The following IFT43 variants were observed in gnomAD, a reference collection of about 807,000 sequenced individuals.
IFT43 encodes intraflagellar transport protein 43 homolog.
A neutral mutation model predicts 32.3 loss-of-function variants in IFT43; 33 were observed. The ratio of observed to expected loss-of-function variants is 1.02; its 90% CI spans 0.77 to 1.37. IFT43 has a LOEUF of 1.37. IFT43 is among the 40% of genes most tolerant of loss of function. The pLI is 0.00. For missense variants in IFT43, 274 were observed against 265.9 expected (o/e 1.03, Z -0.21); for synonymous variants, 93 against 98.2 (o/e 0.95, Z 0.31).
At chr14:76,012,751 C>T (rs1427829632) in intron 2 of IFT43, among the ~76,000 whole-genome samples, 1 of 152,058 alleles carries the variant, frequency 6.6e-6, no homozygotes, top group Non-Finnish European at 1.5e-5. Flanking sequence ...CTTGGTGTTA[C>T]ATATTTTAAG....
chr14:76,012,687 C>T (rs1412592690), intron 2 of IFT43, among the ~76,000 whole-genome samples: 1 of 152,222 alleles, frequency 6.6e-6, no homozygotes, highest in Non-Finnish European at 1.5e-5. Flanking sequence ...TAAGAGAGAA[C>T]ACAAGAGATG....
chr14:76,072,856 C>A lies in IFT43; in HGVS notation c.296-9439C>A, dbSNP rs926034684. Among the ~76,000 whole-genome samples, 7 of 152,144 alleles carry A rather than the reference C, an allele frequency of 4.6e-5. No individual in the cohort carries two copies. The East Asian group carries it at 9.6e-4, about 21-fold the overall frequency. On this transcript the variant is annotated intron_variant, in intron 5 of 8. Coordinates refer to ENST00000314067, the MANE Select transcript of IFT43 (RefSeq NM_001102564.3). ...AGGATCAGGATAGGACAAAGCCAATCCCATTTAGTTTTGTGAGACTGTCCC... is the reference window on the plus strand; with the variant it reads ...AGGATCAGGATAGGACAAAGCCAATACCATTTAGTTTTGTGAGACTGTCCC...
chr14:76,023,842 T>G (rs1263087497), intron 3 of IFT43, among the ~76,000 whole-genome samples: 1 of 152,234 alleles, frequency 6.6e-6, no homozygotes, highest in Non-Finnish European at 1.5e-5. Context: ...GCCTTAAGCA[T>G]AGGAATGTCA....
At chr14:76,022,664 A>G (rs369975243) in intron 3 of IFT43, 61 of 281,976 alleles carry the variant, frequency 2.2e-4, no homozygotes, top group African/African-American at 1.3e-3. Flanking sequence ...TGTCCCCCCA[A>G]CCTCTCTAGA....
At chr14:76,080,424 G>A (rs913786346) in intron 5 of IFT43, among the ~76,000 whole-genome samples, 1 of 152,170 alleles carries the variant, frequency 6.6e-6, no homozygotes, top group Non-Finnish European at 1.5e-5. Flanking sequence ...AGTGGACATC[G>A]GGCAGAAGTG....
At chr14:76,005,398 A>G (rs553409235) in intron 2 of IFT43, among the ~76,000 whole-genome samples, 1 of 152,328 alleles carries the variant, frequency 6.6e-6, no homozygotes, top group East Asian at 1.9e-4. Flanking sequence ...TGAAAGACCC[A>G]ATGTTTGTAC....
At chr14:75,999,255 A>AAATTCATTTTT (rs1371196849) in intron 2 of IFT43, among the ~76,000 whole-genome samples, 2 of 10,500 alleles carry the variant, frequency 1.9e-4, no homozygotes, top group Admixed American at 1.1e-3. Context: ...ATATATATAT[A>AAATTCATTTTT]TATATATATA....
chr14:75,988,773 C>A (rs1455513472), intron 1 of IFT43, 112 bp from the exon 2 acceptor site: 1 of 1,527,982 alleles, frequency 6.5e-7, no homozygotes, highest in Non-Finnish European at 9.0e-7. Context: ...CTGCCTCGTC[C>A]TCCCAAAGTG....
At chr14:76,004,027 C>T (rs1422485215) in intron 2 of IFT43, among the ~76,000 whole-genome samples, 2 of 152,154 alleles carry the variant, frequency 1.3e-5, no homozygotes, top group African/African-American at 2.4e-5. Flanking sequence ...CCACCTGCCT[C>T]GGCCTCCCAA....
At chr14:75,997,817 A>G (rs568933303) in intron 2 of IFT43, among the ~76,000 whole-genome samples, 12 of 152,334 alleles carry the variant, frequency 7.9e-5, no homozygotes, top group African/African-American at 2.9e-4. Flanking sequence ...CCTGGGCTTC[A>G]GTAGTTGCCT....
chr14:76,067,880 A>G (rs1344800556), intron 5 of IFT43, among the ~76,000 whole-genome samples: 1 of 152,226 alleles, frequency 6.6e-6, no homozygotes, highest in Non-Finnish European at 1.5e-5. Flanking sequence ...TTTAAAAATG[A>G]CAGAAATAAT....
Position 76,083,263 on chromosome 14 carries a change from C to T in IFT43, c.481C>T (p.Leu161Phe). ...EIDLKLLTKV[L>F]APEHEVREDD... ...CGACCTGAAACTCCTCACCAAAGTG[C>T]TCGCGCCGGAGCACGAAGTCCGGGA... Residue 161 changes from leucine to phenylalanine, a missense_variant, in exon 8 of 9, where the codon CTC becomes TTC. Coordinates refer to ENST00000314067, the MANE Select transcript of IFT43 (RefSeq NM_001102564.3). The T allele has an allele frequency of 6.2e-7, 1 of 1,614,078 alleles. No individual in the cohort carries two copies. The highest frequency in any genetic ancestry group is 8.5e-7 in the Non-Finnish European group (1 of 1,179,932).
chr14:76,037,280 G>C (rs1268723355), intron 3 of IFT43, among the ~76,000 whole-genome samples: 1 of 152,218 alleles, frequency 6.6e-6, no homozygotes, highest in African/African-American at 2.4e-5. Context: ...GCACAGGTAT[G>C]AGAAGGCACA....
chr14:76,002,369 G>T (rs966241462), intron 2 of IFT43, among the ~76,000 whole-genome samples: 3 of 152,104 alleles, frequency 2.0e-5, no homozygotes, highest in African/African-American at 4.8e-5. Context: ...AAAGGTAAGG[G>T]GGGGGGTGGC....
chr14:76,038,163 G>A (rs2036638311), intron 3 of IFT43: 1 of 152,236 alleles, frequency 6.6e-6, no homozygotes, highest in African/African-American at 2.4e-5. Context: ...CCAGAAATGA[G>A]TGTCCAATAT....
chr14:76,019,595 A>G (rs769381449), intron 2 of IFT43, among the ~76,000 whole-genome samples: 3 of 152,154 alleles, frequency 2.0e-5, no homozygotes, highest in Non-Finnish European at 2.9e-5. Context: ...AGCTTCCTGT[A>G]TCTGAATATC....
intron 1 of IFT43, chr14:75,986,391 T>C: frequency 1.3e-6 from 1 of 758,072 alleles, no homozygotes. Flanking sequence ...CGTGAGGGAG[T>C]GATTAGGTGC....
At chr14:76,047,251 G>A (rs1449079921) in intron 3 of IFT43, among the ~76,000 whole-genome samples, 1 of 152,166 alleles carries the variant, frequency 6.6e-6, no homozygotes, top group African/African-American at 2.4e-5. Flanking sequence ...TTAAATTGGG[G>A]CCTGAGATTA....
At chr14:76,077,822 G>A (rs1217347663) in intron 5 of IFT43, among the ~76,000 whole-genome samples, 1 of 152,152 alleles carries the variant, frequency 6.6e-6, no homozygotes, top group East Asian at 1.9e-4. Context: ...TCACCGCCGA[G>A]CACCTTTGCA....
Sources: allele counts gnomAD v4.1 joint callset (sites outside exome capture counted in the v4.1 genomes callset), GRCh38; gene constraint gnomAD v4.1.1; transcripts MANE v1.5; gene names NCBI Gene and HGNC (gene_info 2026-07-23, HGNC 2026-07-21).